The following DPP10 variants were observed in gnomAD, a reference collection of about 807,000 sequenced individuals.
The protein encoded by DPP10 is dipeptidyl peptidase like 10.
A neutral mutation model predicts 120.9 loss-of-function variants in DPP10; 33 were observed. That is an observed-to-expected ratio of 0.27 (90% CI 0.21 to 0.37). DPP10 has a LOEUF of 0.37. Ranked by LOEUF, DPP10 falls within the 10% of genes least tolerant of loss-of-function variation. The pLI, the probability that DPP10 is intolerant of heterozygous loss-of-function variation, is 1.00. For synonymous variants in DPP10, 337 were observed against 326.1 expected (o/e 1.03, Z -0.36); for missense variants, 816 against 942.8 (o/e 0.87, Z 1.76).
At position 114,956,118 on chromosome 2, in the gene DPP10, C is replaced by CA. The variant is rs372175915; in HGVS notation, c.61-353115dup. Reference sequence around the variant, plus strand: ...TAGAGTAATAAGACAAGAAAAAGAACAAAAAACATTCAAAAAGGAAAATAA... The same window carrying CA: ...TAGAGTAATAAGACAAGAAAAAGAACAAAAAAACATTCAAAAAGGAAAATAA... On this transcript the variant is annotated intron_variant, in intron 1 of 25. Transcript: ENST00000410059. Among the ~76,000 whole-genome samples the CA allele has an allele frequency of 3.4e-3, 511 of 151,806 alleles. 1 individual carries two copies. Among genetic ancestry groups the CA allele is most frequent in the African/African-American group, 0.012 (501 of 41,424 alleles).
intron 3 of DPP10, among the ~76,000 whole-genome samples, chr2:115,377,670 G>A (rs963443102): frequency 6.6e-6 from 1 of 152,080 alleles, no homozygotes; most frequent in East Asian, 1.9e-4. Flanking sequence ...TTCTTCTAGG[G>A]TTTTTATGGT....
intron 3 of DPP10, among the ~76,000 whole-genome samples, chr2:115,455,254 T>C (rs2073432513): frequency 6.6e-6 from 1 of 151,890 alleles, no homozygotes; most frequent in South Asian, 2.1e-4. Context: ...ATACATTGAA[T>C]GCAATTTCTA....
chr2:114,518,368 G>A (rs879466860), intron 1 of DPP10, among the ~76,000 whole-genome samples: 5 of 152,176 alleles, frequency 3.3e-5, no homozygotes, highest in East Asian at 1.9e-4. Context: ...ATGAGCCACC[G>A]TGCAGGGCCT....
intron 1 of DPP10, among the ~76,000 whole-genome samples, chr2:114,483,234 C>T (rs532922521): frequency 3.5e-4 from 53 of 151,144 alleles, no homozygotes; most frequent in African/African-American, 1.2e-3. Context: ...TTTTTTTTCT[C>T]AATATTCTTC....
chr2:114,684,552 G>C (rs970922225), intron 1 of DPP10, among the ~76,000 whole-genome samples: 3 of 151,954 alleles, frequency 2.0e-5, no homozygotes, highest in African/African-American at 7.2e-5. Flanking sequence ...AAAGGTCCCT[G>C]GTTGGGTAAG....
intron 1 of DPP10, among the ~76,000 whole-genome samples, chr2:115,232,465 C>G (rs984113228): frequency 2.0e-5 from 3 of 152,186 alleles, no homozygotes; most frequent in African/African-American, 7.2e-5. Flanking sequence ...CAATGTTTCA[C>G]TGACCATAGG....
chr2:115,772,315 G>A (rs1388941653), intron 13 of DPP10, among the ~76,000 whole-genome samples: 1 of 152,092 alleles, frequency 6.6e-6, no homozygotes, highest in Non-Finnish European at 1.5e-5. Flanking sequence ...AGATGTCACT[G>A]TATATAAAGC....
chr2:114,581,078 C>T (rs1690471247), intron 1 of DPP10, among the ~76,000 whole-genome samples: 1 of 150,350 alleles, frequency 6.7e-6, no homozygotes, highest in East Asian at 2.0e-4. Flanking sequence ...TTTGGCATTT[C>T]ATTGTTTTGG....
chr2:115,647,435 C>T (rs1289597337), intron 5 of DPP10, among the ~76,000 whole-genome samples: 1 of 152,102 alleles, frequency 6.6e-6, no homozygotes, highest in Non-Finnish European at 1.5e-5. Context: ...AAACACTCTG[C>T]TAGGCCTTCA....
At chr2:115,261,737 T>G (rs1206282992) in intron 1 of DPP10, among the ~76,000 whole-genome samples, 1 of 152,216 alleles carries the variant, frequency 6.6e-6, no homozygotes, top group Non-Finnish European at 1.5e-5. Context: ...TTTTGTATCC[T>G]TTCTTAAATT....
intron 19 of DPP10, among the ~76,000 whole-genome samples, chr2:115,804,033 C>T (rs1008114913): frequency 3.3e-5 from 5 of 152,146 alleles, no homozygotes; most frequent in Non-Finnish European, 7.3e-5. Context: ...TGTTTTCCAA[C>T]TTGGTTCCAT....
intron 3 of DPP10, among the ~76,000 whole-genome samples, chr2:115,420,986 C>T (rs555983603): frequency 6.9e-4 from 105 of 152,104 alleles, no homozygotes; most frequent in African/African-American, 2.4e-3. Context: ...AGATATATTT[C>T]GTAATCTTTC....
chr2:115,490,733 CAT>C (rs2076063891), intron 3 of DPP10, among the ~76,000 whole-genome samples: 1 of 152,046 alleles, frequency 6.6e-6, no homozygotes, highest in South Asian at 2.1e-4. Flanking sequence ...AATATTGTAA[CAT>C]TATGAAAGTA....
intron 3 of DPP10, among the ~76,000 whole-genome samples, chr2:115,387,725 C>A (rs2106523510): frequency 6.6e-6 from 1 of 152,228 alleles, no homozygotes; most frequent in East Asian, 1.9e-4. Flanking sequence ...CCATGTTTCA[C>A]TTGGTTATTG....
chr2:115,287,652 C>T (rs1559368513), intron 1 of DPP10, among the ~76,000 whole-genome samples: 2 of 152,064 alleles, frequency 1.3e-5, no homozygotes, highest in Admixed American at 1.3e-4. Context: ...GAGTAGTTTT[C>T]CATAATGTTT....
intron 5 of DPP10, among the ~76,000 whole-genome samples, chr2:115,602,444 T>C (rs1448033502): frequency 6.6e-6 from 1 of 152,250 alleles, no homozygotes; most frequent in African/African-American, 2.4e-5. Context: ...TTTCTATTTA[T>C]CGTTACTTCT....
intron 5 of DPP10, among the ~76,000 whole-genome samples, chr2:115,632,681 T>C (rs1396205572): frequency 6.6e-6 from 1 of 152,172 alleles, no homozygotes; most frequent in African/African-American, 2.4e-5. Context: ...AATCTACCCA[T>C]CTGACAAAGG....
intron 1 of DPP10, among the ~76,000 whole-genome samples, chr2:115,001,869 A>G (rs983765255): frequency 1.3e-5 from 2 of 152,180 alleles, no homozygotes; most frequent in Admixed American, 1.3e-4. Context: ...ACACTGCTCA[A>G]AGAAATCAGA....
rs181409395 is a variant in DPP10 at position 114,952,092 on chromosome 2, G to C, written c.61-357147G>C. On this transcript the variant is annotated intron_variant, in intron 1 of 25. Transcript: ENST00000410059. ...TAGAATTCAGTATATAATTTTATTAGTTACCAAACTAACATATTAAAATCT... is the reference window on the plus strand; with the variant it reads ...TAGAATTCAGTATATAATTTTATTACTTACCAAACTAACATATTAAAATCT... 5.3e-4 allele frequency among the ~76,000 whole-genome samples: 81 copies of C among 151,820 alleles called. 1 individual carries two copies. The East Asian group carries it at 0.012, about 23-fold the overall frequency.
Sources: allele counts gnomAD v4.1 joint callset (sites outside exome capture counted in the v4.1 genomes callset), GRCh38; gene constraint gnomAD v4.1.1; transcripts MANE v1.5; gene names NCBI Gene and HGNC (gene_info 2026-07-23, HGNC 2026-07-21).